TMEM64: variants seen among roughly 807,000 people sequenced by gnomAD.
TMEM64 encodes the protein transmembrane protein 64.
In TMEM64, 19 loss-of-function variants were observed where a neutral mutation model predicts 24.5. That is an observed-to-expected ratio of 0.78 (90% CI 0.54 to 1.14). The LOEUF (loss-of-function observed/expected upper bound fraction) is 1.14, where lower values mean the gene tolerates loss of function less well. Among genes scored for constraint, TMEM64 ranks in the 50% most tolerant of loss-of-function variants. The pLI is 0.00. For missense variants in TMEM64, 487 were observed against 493.0 expected (o/e 0.99, Z 0.12); for synonymous variants, 262 against 224.7 (o/e 1.17, Z -1.49).
chr8:90,635,383 A>AT (rs1809503258), intron 1 of TMEM64, among the ~76,000 whole-genome samples: 1 of 151,120 alleles, frequency 6.6e-6, no homozygotes, highest in African/African-American at 2.5e-5. Flanking sequence ...ATTTTATTTT[A>AT]TTTTATTTTA....
rs1245326385 is a variant in TMEM64 at position 90,645,673 on chromosome 8, G to A, written c.233C>T (p.Ala78Val). The A allele has an allele frequency of 4.4e-5, 66 of 1,502,090 alleles. 1 individual carries two copies. The East Asian group carries it at 1.5e-3, about 34-fold the overall frequency. 93.0% of individuals were successfully genotyped at this position (1,502,090 alleles called of 1,614,324 possible). A position where few individuals can be genotyped will look rare whatever the true frequency, so the allele number is the denominator to read the frequency against. Residue 78 changes from alanine to valine, a missense_variant, in exon 1 of 3, where the codon GCT becomes GTT. By Grantham distance (64) the Ala-to-Val change is moderately conservative. Transcript: ENST00000458549. The surrounding 1 kb of genome is among the most constrained non-coding windows in gnomAD (Gnocchi z 4.2). ...AYLERHGPPE[A>V]SELPEPGGAL... ...CCCGCCCGGCTCCGGCAGCTCCGAA[G>A]CCTCGGGCGGACCGTGGCGCTCCAG...
chr8:90,631,385 A>C (rs971654251), intron 2 of TMEM64, among the ~76,000 whole-genome samples, 167 bp downstream of exon 2: 3 of 152,172 alleles, frequency 2.0e-5, no homozygotes, highest in African/African-American at 7.2e-5. Context: ...CCACACAATT[A>C]AAAAATTTTA....
rs1809315330 is a variant in TMEM64, at chr8:90,623,799, C to A, written c.*1872G>T. On this transcript the variant is annotated 3_prime_UTR_variant, in exon 3 of 3. Coordinates refer to ENST00000458549, the MANE Select transcript of TMEM64 (RefSeq NM_001008495.4). ...AGTGATCTTAAACAATGATTCCTTT[C>A]ACAAAAACTAACCAACAAACAAGAA... 1 of 152,006 alleles carries A rather than the reference C, an allele frequency of 6.6e-6. No individual in the cohort carries two copies. Among genetic ancestry groups the A allele is most frequent in the South Asian group, 2.1e-4 (1 of 4,812 alleles). 9.4% of individuals were successfully genotyped at this position (152,006 alleles called of 1,614,324 possible).
chr8:90,643,472 GC>G (rs1809638220), intron 1 of TMEM64, among the ~76,000 whole-genome samples: 1 of 152,208 alleles, frequency 6.6e-6, no homozygotes, highest in African/African-American at 2.4e-5. Flanking sequence ...CACAACACCA[GC>G]CCTGTGCTCC....
rs774829564 is a variant in TMEM64, at chr8:90,645,361, T to C, written c.545A>G (p.Asn182Ser). The C allele has an allele frequency of 2.0e-5, 31 of 1,552,668 alleles. No homozygotes were observed. Among genetic ancestry groups the C allele is most frequent in the East Asian group, 2.4e-5 (1 of 40,926 alleles). The change falls in exon 1 of 3, where the codon AAC (asparagine) becomes AGC (serine). Residue 182 changes from asparagine (N) to serine (S), a missense_variant. Coordinates refer to ENST00000458549, the MANE Select transcript of TMEM64 (RefSeq NM_001008495.4). The surrounding 1 kb of genome is among the most constrained non-coding windows in gnomAD (Gnocchi z 4.2). ...FPCGWGYIVLNVAAGYLYGFV... is the reference protein window; with the variant it reads ...FPCGWGYIVLSVAAGYLYGFV... ...GCCGTACAGGTAGCCAGCGGCCACG[T>C]TGAGCACGATGTAGCCCCAGCCGCA... is the stretch of plus-strand genomic sequence containing the variant.
In TMEM64 at chr8:90,645,434, G is replaced by C; in HGVS notation, c.472C>G (p.Leu158Val). ...LLWVESLDSL[L>V]GVLLFVVGFI... is the part of the protein sequence containing the mutation. Reference sequence around the variant, plus strand: ...CCCACGACGAAGAGCAGGACCCCCAGCAGCGAGTCAAGGCTCTCCACCCAC... The same window carrying C: ...CCCACGACGAAGAGCAGGACCCCCACCAGCGAGTCAAGGCTCTCCACCCAC... Residue 158 changes from leucine (L) to valine (V), a missense_variant, in exon 1 of 3, where the codon CTG becomes GTG. Leu to Val is a conservative substitution (Grantham distance 32, BLOSUM62 1). This residue lies in a region of TMEM64 where 419 missense variants were observed against 407.5 expected (regional missense o/e 1.03). Coordinates refer to ENST00000458549, the MANE Select transcript of TMEM64 (RefSeq NM_001008495.4). This position sits in a 1 kb window ranked among gnomAD's most constrained non-coding sequence, Gnocchi z 4.2. 1 of 1,551,610 alleles carries C rather than the reference G, an allele frequency of 6.4e-7. No individual in the cohort carries two copies. The highest frequency in any genetic ancestry group is 1.2e-5 in the South Asian group (1 of 84,062).
intron 2 of TMEM64, among the ~76,000 whole-genome samples, chr8:90,628,729 C>T (rs576942873): frequency 1.3e-5 from 2 of 152,268 alleles, no homozygotes; most frequent in South Asian, 4.1e-4. Flanking sequence ...ATTCCTAACC[C>T]AGAAATTCCA....
intron 1 of TMEM64, among the ~76,000 whole-genome samples, chr8:90,633,552 T>C (rs1251691590): frequency 1.3e-5 from 2 of 151,754 alleles, no homozygotes; most frequent in Admixed American, 6.6e-5. Context: ...TTAACTCTGG[T>C]AGGATAGATC....
rs1809314134 is a variant in TMEM64, at chr8:90,623,679, C to T, written c.*1992G>A. Reference sequence around the variant, plus strand: ...ATTAGAAGAACTCATTACAAACTACCAAAATGTATTCATTTGGTGAAATTA... The same window carrying T: ...ATTAGAAGAACTCATTACAAACTACTAAAATGTATTCATTTGGTGAAATTA... On this transcript the variant is annotated 3_prime_UTR_variant, in exon 3 of 3. Transcript: ENST00000458549. 1 of 152,254 alleles carries T rather than the reference C, an allele frequency of 6.6e-6. No homozygotes were observed. Among genetic ancestry groups the T allele is most frequent in the Non-Finnish European group, 1.5e-5 (1 of 67,908 alleles). The allele number at this position is 152,254 out of a possible 1,614,324, so 9.4% of individuals were successfully genotyped here.
At chr8:90,626,138 T>C (rs1286894371) in intron 2 of TMEM64, among the ~76,000 whole-genome samples, 2 of 152,226 alleles carry the variant, frequency 1.3e-5, no homozygotes, top group Non-Finnish European at 2.9e-5. Context: ...AAGCCAAACC[T>C]GTCTCTTTGT....
In TMEM64 at chr8:90,645,236, T is replaced by C; in HGVS notation, c.670A>G (p.Arg224Gly). 1 of 1,613,896 alleles carries C rather than the reference T, an allele frequency of 6.2e-7. No homozygotes were observed. Among genetic ancestry groups the C allele is most frequent in the South Asian group, 1.1e-5 (1 of 91,054 alleles). The change falls in exon 1 of 3, where the codon AGG becomes GGG. Residue 224 changes from arginine to glycine, a missense_variant. Transcript: ENST00000458549. The surrounding 1 kb of genome is among the most constrained non-coding windows in gnomAD (Gnocchi z 4.2). ...CTCAGCTTCTCGCTGCTCTGGATCCTGGCGGCCACCCAGGCGGTGAGGAGC... is the reference window on the plus strand; with the variant it reads ...CTCAGCTTCTCGCTGCTCTGGATCCCGGCGGCCACCCAGGCGGTGAGGAGC... The part of the protein sequence containing the change: ...KRLLTAWVAA[R>G]IQSSEKLSAV...
At chr8:90,637,390 T>C (rs16905035) in intron 1 of TMEM64, among the ~76,000 whole-genome samples, 5,760 of 152,238 alleles carry the variant, frequency 0.038, 307 homozygotes, top group African/African-American at 0.13. Context: ...ACATAGAATA[T>C]CTTGGCATGG....
intron 1 of TMEM64, among the ~76,000 whole-genome samples, chr8:90,633,933 A>G (rs948815866): frequency 4.6e-5 from 7 of 152,140 alleles, no homozygotes; most frequent in Admixed American, 3.9e-4. Flanking sequence ...AGTTTTCGCT[A>G]AAGTGTCCTT....
chr8:90,624,141 T>TAAATATATAATGGG lies in TMEM64; in HGVS notation c.*1529_*1530insCCCATTATATATTT, dbSNP rs1184501416. On this transcript the variant is annotated 3_prime_UTR_variant, in exon 3 of 3. Transcript: ENST00000458549. ...TACTGTTACTCAAAGGTGAGAAAAC[T>TAAATATATAATGGG]TACCCATTATAAAGGAAAGGAAAAC... The TAAATATATAATGGG allele has an allele frequency of 6.6e-6, 1 of 151,926 alleles. No individual in the cohort carries two copies. The allele number at this position is 151,926 out of a possible 1,614,324, so 9.4% of individuals were successfully genotyped here. A position where few individuals can be genotyped will look rare whatever the true frequency, so the allele number is the denominator to read the frequency against.
At chr8:90,643,982 T>G (rs764136427) in intron 1 of TMEM64, among the ~76,000 whole-genome samples, 2 of 152,230 alleles carry the variant, frequency 1.3e-5, no homozygotes, top group African/African-American at 2.4e-5. Context: ...TTGGTTAGTA[T>G]TATTCCTAAT....
In TMEM64 at chr8:90,645,610, A is replaced by T; in HGVS notation, c.296T>A (p.Val99Glu). The change falls in exon 1 of 3, where the codon GTG (valine) becomes GAG (glutamate). Residue 99 changes from valine to glutamate, a missense_variant. Physicochemically the swap from Val to Glu is moderately radical, Grantham distance 121 (BLOSUM62 -2). Around this residue, in one of 3 missense-constraint regions of TMEM64, gnomAD observed 419 missense variants for 407.5 expected, o/e 1.03. Transcript: ENST00000458549. This position sits in a 1 kb window ranked among gnomAD's most constrained non-coding sequence, Gnocchi z 4.2. ...TCTCACCTCAGCCACGCCGACCACC[A>T]CGCCGCCGCCGCCACTCCCGGGGCC... The part of the protein sequence containing the change: ...AGGPGSGGGG[V>E]VVGVAEVRNW... The T allele has an allele frequency of 1.3e-6, 2 of 1,534,288 alleles. No individual in the cohort carries two copies. Among genetic ancestry groups the T allele is most frequent in the Non-Finnish European group, 1.7e-6 (2 of 1,144,556 alleles).
chr8:90,637,063 C>A (rs1333048763), intron 1 of TMEM64, among the ~76,000 whole-genome samples: 3 of 152,074 alleles, frequency 2.0e-5, no homozygotes, highest in Admixed American at 6.6e-5. Context: ...TGTGGAACAT[C>A]ACTTCACCAC....
Position 90,645,175 on chromosome 8 carries a change from A to T in TMEM64, c.731T>A (p.Leu244Gln). 1 of 1,614,092 alleles carries T rather than the reference A, an allele frequency of 6.2e-7. No individual in the cohort carries two copies. Among genetic ancestry groups the T allele is most frequent in the East Asian group, 2.2e-5 (1 of 44,866 alleles). ...VIRVVEGGSG[L>Q]KVVALARLTP... is the part of the protein sequence containing the mutation. ...CAGTCTGGCCAGCGCCACCACTTTC[A>T]GGCCGCTTCCTCCCTCCACTACGCG... is the stretch of plus-strand genomic sequence containing the variant. The change falls in exon 1 of 3, where the codon CTG (leucine) becomes CAG (glutamine). Residue 244 changes from leucine (L) to glutamine (Q), a missense_variant. Leu to Gln is a moderately radical substitution (Grantham distance 113). Transcript: ENST00000458549. The surrounding 1 kb of genome is among the most constrained non-coding windows in gnomAD (Gnocchi z 4.2).
intron 2 of TMEM64, among the ~76,000 whole-genome samples, chr8:90,630,070 C>T (rs1434017264): frequency 6.6e-6 from 1 of 152,054 alleles, no homozygotes; most frequent in Non-Finnish European, 1.5e-5. Flanking sequence ...GTCTGGAGGA[C>T]CATTTCATTA....
Sources: allele counts gnomAD v4.1 joint callset (sites outside exome capture counted in the v4.1 genomes callset), GRCh38; gene constraint gnomAD v4.1.1; regional missense constraint gnomAD v4.1.1; non-coding constraint Gnocchi (gnomAD v3.1); transcripts MANE v1.5; gene names NCBI Gene and HGNC (gene_info 2026-07-23, HGNC 2026-07-21).